Variants in UTP6 observed in about 807,000 individuals in gnomAD.
UTP6 encodes U3 small nucleolar RNA-associated protein 6 homolog.
In UTP6, 60 loss-of-function variants were observed where a neutral mutation model predicts 96.5. That is an observed-to-expected ratio of 0.62 (90% CI 0.51 to 0.77). The LOEUF (loss-of-function observed/expected upper bound fraction) is 0.77, where lower values mean the gene tolerates loss of function less well. UTP6 is among the 30% of genes least tolerant of loss of function. The pLI is 0.00. For synonymous variants in UTP6, 215 were observed against 240.1 expected, an observed-to-expected ratio of 0.90 and a Z score of 0.96; for missense variants, 637 against 706.5, an observed-to-expected ratio of 0.90 and a Z score of 1.12.
chr17:31,888,861 G>A (rs1004274935), intron 7 of UTP6, among the ~76,000 whole-genome samples: 1 of 152,096 alleles, frequency 6.6e-6, no homozygotes, highest in African/African-American at 2.4e-5. Flanking sequence ...GACCAGGTCA[G>A]GAAATCGAGA....
At chr17:31,873,649 A>G in intron 15 of UTP6, 24 bp downstream of exon 15, 2 of 1,613,872 alleles carry the variant, frequency 1.2e-6, no homozygotes, top group East Asian at 2.2e-5. Context: ...CCACACCACA[A>G]GACTTGGAAC....
rs1353610500 is a variant in UTP6 at position 31,861,635 on chromosome 17, T to G, written c.*1724A>C. 1 of 151,768 alleles carries G rather than the reference T, an allele frequency of 6.6e-6. No individual in the cohort carries two copies. The highest frequency in any genetic ancestry group is 2.4e-5 in the African/African-American group (1 of 41,304). 9.4% of individuals were successfully genotyped at this position (151,768 alleles called of 1,614,324 possible). On this transcript the variant is annotated 3_prime_UTR_variant, in exon 19 of 19. Coordinates refer to ENST00000261708, the MANE Select transcript of UTP6 (RefSeq NM_018428.3). ...GTCCAATTTAAAAAAAAAAATTAAC[T>G]CATAAATTAGTAAGAAAAAAAATTT...
intron 4 of UTP6, among the ~76,000 whole-genome samples, chr17:31,894,066 C>A (rs1168873332): frequency 6.6e-6 from 1 of 151,352 alleles, no homozygotes; most frequent in Non-Finnish European, 1.5e-5. Flanking sequence ...CCCAGGAGTT[C>A]GAGACCAGCC....
At chr17:31,872,997 T>G (rs1910276156) in intron 16 of UTP6, among the ~76,000 whole-genome samples, 2 of 151,304 alleles carry the variant, frequency 1.3e-5, no homozygotes, top group Admixed American at 1.3e-4. Context: ...ATGCCTGTAA[T>G]CCCTGCACTT....
At chr17:31,883,373 T>C (rs1001163806) in intron 10 of UTP6, among the ~76,000 whole-genome samples, 1 of 150,680 alleles carries the variant, frequency 6.6e-6, no homozygotes, top group Non-Finnish European at 1.5e-5. Context: ...TGGAGTGCAA[T>C]GGCACAATCT....
chr17:31,897,386 T>C (rs187115499), intron 2 of UTP6, among the ~76,000 whole-genome samples: 368 of 151,912 alleles, frequency 2.4e-3, no homozygotes, highest in Admixed American at 5.0e-3. Context: ...CCAAGGTTCA[T>C]ATATTGTTTG....
intron 2 of UTP6, among the ~76,000 whole-genome samples, chr17:31,899,076 A>G (rs1385448925): frequency 6.6e-6 from 1 of 152,140 alleles, no homozygotes; most frequent in African/African-American, 2.4e-5. Flanking sequence ...GGTGGCTCAC[A>G]AACACTTGTA....
intron 16 of UTP6, among the ~76,000 whole-genome samples, chr17:31,871,830 T>C (rs866859736): frequency 3.9e-5 from 6 of 151,902 alleles, no homozygotes; most frequent in South Asian, 2.1e-4. Flanking sequence ...AAGGCAGAGT[T>C]TGCAGTGAGC....
chr17:31,880,421 CCAA>C, intron 11 of UTP6, 149 bp downstream of exon 11: 1 of 902,114 alleles, frequency 1.1e-6, no homozygotes, highest in South Asian at 1.7e-5. Context: ...ACTCTGCCTC[CCAA>C]TAAAAAAAAA....
chr17:31,901,515 C>T, intron 1 of UTP6, 21 bp downstream of exon 1: 8 of 1,612,894 alleles, frequency 5.0e-6, no homozygotes, highest in Non-Finnish European at 6.8e-6. Context: ...CAGCTCTTCC[C>T]TCTCCCCAAC....
At chr17:31,873,519 T>A in intron 15 of UTP6, 32 bp from the exon 16 acceptor site, 1 of 1,609,764 alleles carries the variant, frequency 6.2e-7, no homozygotes, top group South Asian at 1.1e-5. Flanking sequence ...AAAGAAGCTA[T>A]GTGAGAAAAC....
chr17:31,874,481 G>A (rs1005224412), intron 14 of UTP6, among the ~76,000 whole-genome samples: 1 of 152,072 alleles, frequency 6.6e-6, no homozygotes, highest in African/African-American at 2.4e-5. Context: ...GGGAGGTGGA[G>A]GTTGCAGTGA....
chr17:31,887,106 G>A (rs1356602844), intron 8 of UTP6, 130 bp downstream of exon 8: 11 of 749,842 alleles, frequency 1.5e-5, no homozygotes, highest in African/African-American at 3.6e-5. Context: ...CTGTGTGACA[G>A]ACCGAGACTC....
chr17:31,894,875 T>G (rs1904541774), intron 3 of UTP6, 95 bp downstream of exon 3: 2 of 1,321,782 alleles, frequency 1.5e-6, no homozygotes, highest in African/African-American at 2.9e-5. Flanking sequence ...CACCACAGTT[T>G]TATCAACACT....
At chr17:31,896,101 G>A (rs927130735) in intron 2 of UTP6, among the ~76,000 whole-genome samples, 5 of 150,828 alleles carry the variant, frequency 3.3e-5, no homozygotes, top group African/African-American at 1.2e-4. Flanking sequence ...TTTTTGAGAT[G>A]GAGTCTCGCT....
intron 17 of UTP6, among the ~76,000 whole-genome samples, chr17:31,867,113 G>A (rs1909870702): frequency 6.6e-6 from 1 of 152,050 alleles, no homozygotes; most frequent in African/African-American, 2.4e-5. Context: ...ACTTGCTCAA[G>A]GCACCTAACT....
chr17:31,872,244 C>T lies in UTP6; in HGVS notation c.1496+1134G>A, dbSNP rs186485212. ...AATCATAAATAAAATTACAGTTATA[C>T]TATAATCTCAACTACATAAAAACAA... On this transcript the variant is annotated intron_variant, in intron 16 of 18. Coordinates refer to ENST00000261708, the MANE Select transcript of UTP6 (RefSeq NM_018428.3). Among the ~76,000 whole-genome samples, 4 of 151,888 alleles carry T rather than the reference C, an allele frequency of 2.6e-5. No individual in the cohort carries two copies. In the East Asian group the frequency reaches 5.8e-4, roughly 22 times the overall value.
intron 2 of UTP6, among the ~76,000 whole-genome samples, chr17:31,898,579 T>C (rs1207185317): frequency 6.6e-6 from 1 of 151,630 alleles, no homozygotes; most frequent in Non-Finnish European, 1.5e-5. Context: ...GATTTTAAAT[T>C]TGTGAAGGAA....
At position 31,873,724 on chromosome 17, in the gene UTP6, T is replaced by A; in HGVS notation, c.1335A>T (p.Ala445=). The change falls in exon 15 of 19, where the codon GCA becomes GCT. Residue 445 remains alanine, a synonymous_variant. Transcript: ENST00000261708. ...GGCTTTTGGCACCTTCACTCCACTC[T>A]GCCCAGGAAATCCACAATGGCAGAC... ...QVCLPLWISW[A]EWSEGAKSQE... is the part of the protein sequence containing the mutation. The A allele has an allele frequency of 6.2e-7, 1 of 1,611,596 alleles. No homozygotes were observed. The highest frequency in any genetic ancestry group is 8.5e-7 in the Non-Finnish European group (1 of 1,179,558).
Sources: gnomAD v4.1 joint callset for allele counts (sites outside exome capture counted in the v4.1 genomes callset) on GRCh38, gnomAD v4.1.1 for gene constraint, MANE v1.5 for transcripts, NCBI Gene and HGNC (gene_info 2026-07-23, HGNC 2026-07-21) for gene names.